AMZ2: variants seen among roughly 807,000 people sequenced by gnomAD.
AMZ2 encodes archaelysin family metallopeptidase 2, also known as archaemetzincin-2.
Under a neutral mutation model 36.7 loss-of-function variants are expected in AMZ2, and 26 were observed. The ratio of observed to expected loss-of-function variants is 0.71; its 90% CI spans 0.52 to 0.98. AMZ2 has a LOEUF of 0.98. AMZ2 is among the 50% of genes least tolerant of loss of function. AMZ2 has a pLI of 0.00. For missense variants in AMZ2, 394 were observed against 430.5 expected (o/e 0.92, Z 0.75); for synonymous variants, 144 against 149.1 (o/e 0.97, Z 0.25).
intron 2 of AMZ2, 156 bp from the exon 3 acceptor site, chr17:68,250,638 G>A: frequency 8.5e-7 from 1 of 1,177,358 alleles, no homozygotes; most frequent in South Asian, 1.6e-5. Context: ...ATAACATTTT[G>A]TTTCTTTTTG....
rs184865372 is a variant in AMZ2 at position 68,209,708 on chromosome 17, A to G, written c.-67+3470A>G. 3.6e-4 allele frequency among the ~76,000 whole-genome samples: 51 copies of G among 141,386 alleles called. 1 individual carries two copies. The highest frequency in any genetic ancestry group is 1.3e-3 in the African/African-American group (50 of 37,362). 92.8% of individuals were successfully genotyped at this position (141,386 alleles called of 152,430 possible). A position where few individuals can be genotyped will look rare whatever the true frequency, so the allele number is the denominator to read the frequency against. On this transcript the variant is annotated intron_variant, in intron 1 of 7. Coordinates refer to the AMZ2 transcript ENST00000674770. ...GTGATTCTGACTCATGGCAACCTCC[A>G]CCTCCCGGATCAAGTGATTCTCCTG...
chr17:68,249,796 A>T (rs1555738021), intron 1 of AMZ2: 1 of 199,670 alleles, frequency 5.0e-6, no homozygotes, highest in African/African-American at 2.4e-5. Context: ...ACAGATGTGC[A>T]CAACTATGCC....
At chr17:68,225,006 C>T (rs559896082) in intron 1 of AMZ2, among the ~76,000 whole-genome samples, 66 of 105,520 alleles carry the variant, frequency 6.3e-4, no homozygotes, top group African/African-American at 3.3e-3. Flanking sequence ...GGTGAAACCC[C>T]GTTTCTACTA....
chr17:68,225,719 C>T (rs1309149400), intron 1 of AMZ2, among the ~76,000 whole-genome samples: 2 of 151,810 alleles, frequency 1.3e-5, no homozygotes, highest in East Asian at 1.9e-4. Context: ...CCATAACCTC[C>T]GCCTCCCAGG....
rs1862901054 is a variant in AMZ2, at chr17:68,213,149, A to G, written c.-67+6911A>G. On this transcript the variant is annotated intron_variant, in intron 1 of 7. Coordinates refer to the AMZ2 transcript ENST00000674770. Reference sequence around the variant, plus strand: ...CAATAAAATTTTAAAAACATACGCCAGCCGGCTTACCTGGTGAAAAAAATG... The same window carrying G: ...CAATAAAATTTTAAAAACATACGCCGGCCGGCTTACCTGGTGAAAAAAATG... Among the ~76,000 whole-genome samples, 3 of 152,238 alleles carry G rather than the reference A, an allele frequency of 2.0e-5. No individual in the cohort carries two copies. In the South Asian group the frequency reaches 6.2e-4, roughly 32 times the overall value.
intron 1 of AMZ2, among the ~76,000 whole-genome samples, chr17:68,227,936 C>T (rs2073557031): frequency 6.6e-6 from 1 of 152,154 alleles, no homozygotes; most frequent in African/African-American, 2.4e-5. Context: ...TCTGCAAAGA[C>T]CCTTGTATTC....
At chr17:68,245,777 A>G (rs2073988610), upstream of AMZ2, among the ~76,000 whole-genome samples, 1 of 152,174 alleles carries the variant, frequency 6.6e-6, no homozygotes, top group South Asian at 2.1e-4. Context: ...CAGTTGAGTA[A>G]GGGTGACATG....
upstream of AMZ2, among the ~76,000 whole-genome samples, chr17:68,244,154 T>C (rs1555734684): frequency 6.6e-6 from 1 of 152,216 alleles, no homozygotes. Context: ...GAATGAACTC[T>C]GTGGTGTCAG....
intron 1 of AMZ2, among the ~76,000 whole-genome samples, chr17:68,221,220 C>CA (rs1324748705): frequency 1.1e-5 from 1 of 91,404 alleles, no homozygotes; most frequent in African/African-American, 4.7e-5. Context: ...CCCCCCCCCG[C>CA]CCCCCCGGTA....
At chr17:68,231,762 A>G (rs1239166820) in intron 1 of AMZ2, among the ~76,000 whole-genome samples, 1 of 152,158 alleles carries the variant, frequency 6.6e-6, no homozygotes, top group Non-Finnish European at 1.5e-5. Flanking sequence ...CACCACCTCC[A>G]CCAATTTGGA....
chr17:68,248,651 C>T lies in AMZ2; in HGVS notation c.-55C>T, dbSNP rs1442140657. The T allele has an allele frequency of 1.0e-6, 1 of 985,938 alleles. No individual in the cohort carries two copies. Among genetic ancestry groups the T allele is most frequent in the African/African-American group, 1.7e-5 (1 of 57,258 alleles). The allele number at this position is 985,938 out of a possible 1,614,324, so 61.1% of individuals were successfully genotyped here. A position where few individuals can be genotyped will look rare whatever the true frequency, so the allele number is the denominator to read the frequency against. The stretch of plus-strand genomic sequence containing the variant: ...CAACTTTCTTCCAGCCAGGCCCAGA[C>T]ATGTCCGTCCTTGTAAGTTAAAAGC... On this transcript the variant is annotated 5_prime_UTR_variant, in exon 1 of 7. Coordinates refer to ENST00000359904, the MANE Select transcript of AMZ2 (RefSeq NM_016627.5).
At chr17:68,212,552 A>T (rs1486562213) in intron 1 of AMZ2, among the ~76,000 whole-genome samples, 1 of 152,130 alleles carries the variant, frequency 6.6e-6, no homozygotes, top group African/African-American at 2.4e-5. Flanking sequence ...AAATAATTTA[A>T]TTAAATAATT....
intron 1 of AMZ2, among the ~76,000 whole-genome samples, chr17:68,217,076 G>A (rs147963713): frequency 1.5e-3 from 228 of 151,504 alleles, no homozygotes; most frequent in African/African-American, 4.9e-3. Context: ...AAATAAAGGC[G>A]TTTTAAGAAA....
At chr17:68,241,159 T>G (rs1395513953) in intron 1 of AMZ2, among the ~76,000 whole-genome samples, 1 of 152,030 alleles carries the variant, frequency 6.6e-6, no homozygotes, top group African/African-American at 2.4e-5. Flanking sequence ...ATGTAACCAG[T>G]GTGCATGGGC....
chr17:68,215,762 C>G (rs1400819755), intron 1 of AMZ2, among the ~76,000 whole-genome samples: 1 of 147,492 alleles, frequency 6.8e-6, no homozygotes, highest in Non-Finnish European at 1.5e-5. Context: ...GAAATTTAGT[C>G]CATGCTCCAA....
chr17:68,227,256 C>T (rs1438416361), intron 1 of AMZ2, among the ~76,000 whole-genome samples: 1 of 152,138 alleles, frequency 6.6e-6, no homozygotes, highest in Non-Finnish European at 1.5e-5. Context: ...TGGTTTTCCT[C>T]CTCTGGGAAG....
chr17:68,233,969 CTTTG>C (rs1437441103), intron 1 of AMZ2, among the ~76,000 whole-genome samples: 1 of 152,104 alleles, frequency 6.6e-6, no homozygotes, highest in African/African-American at 2.4e-5. Context: ...AACAACTACG[CTTTG>C]TTTTTCTGGA....
chr17:68,230,807 G>A (rs2073641672), intron 1 of AMZ2, among the ~76,000 whole-genome samples: 1 of 152,090 alleles, frequency 6.6e-6, no homozygotes, highest in African/African-American at 2.4e-5. Flanking sequence ...TAGCCATTTG[G>A]GCTACGTTTG....
intron 1 of AMZ2, among the ~76,000 whole-genome samples, chr17:68,231,103 G>A (rs1389668995): frequency 3.4e-5 from 5 of 147,474 alleles, no homozygotes; most frequent in Non-Finnish European, 5.9e-5. Context: ...TCCCTTTGTC[G>A]TCCAGGCTGG....
Sources: gnomAD v4.1 joint callset for allele counts (sites outside exome capture counted in the v4.1 genomes callset) on GRCh38, gnomAD v4.1.1 for gene constraint, MANE v1.5 for transcripts, NCBI Gene and HGNC (gene_info 2026-07-23, HGNC 2026-07-21) for gene names.